The following GRIK4 variants were observed in gnomAD, a reference collection of about 807,000 sequenced individuals.
The protein encoded by GRIK4 is glutamate receptor ionotropic, kainate 4.
In GRIK4, 40 loss-of-function variants were observed where a neutral mutation model predicts 104.9. The ratio of observed to expected loss-of-function variants is 0.38; its 90% confidence interval spans 0.30 to 0.50. The LOEUF is 0.50. Ranked by LOEUF, GRIK4 falls within the 20% of genes least tolerant of loss-of-function variation. GRIK4 has a pLI of 0.93. For synonymous variants in GRIK4, 485 were observed against 524.9 expected, an observed-to-expected ratio of 0.92 and a Z score of 1.04; for missense variants, 1,047 against 1,308.1, an observed-to-expected ratio of 0.80 and a Z score of 3.08.
chr11:120,643,036 A>G (rs953641830), intron 1 of GRIK4, among the ~76,000 whole-genome samples: 1 of 152,038 alleles, frequency 6.6e-6, no homozygotes, highest in Non-Finnish European at 1.5e-5. Flanking sequence ...TACTCATTCA[A>G]CACATTTACT....
intron 1 of GRIK4, among the ~76,000 whole-genome samples, chr11:120,627,406 TGGCCCTGTGAA>T (rs1949275089): frequency 6.6e-6 from 1 of 152,232 alleles, no homozygotes; most frequent in Non-Finnish European, 1.5e-5. Context: ...TGCTTTGCAC[TGGCCCTGTGAA>T]TGTGGGCACT....
At chr11:120,775,490 T>C (rs554297159) in intron 3 of GRIK4, among the ~76,000 whole-genome samples, 9 of 152,298 alleles carry the variant, frequency 5.9e-5, no homozygotes, top group Admixed American at 1.3e-4. Flanking sequence ...GGATCTAACA[T>C]GTTCATGAAT....
intron 3 of GRIK4, among the ~76,000 whole-genome samples, chr11:120,719,522 C>T (rs1287396904): frequency 6.6e-6 from 1 of 152,096 alleles, no homozygotes; most frequent in Non-Finnish European, 1.5e-5. Context: ...TTGATGATAC[C>T]AGCTTCCCAG....
At chr11:120,912,049 A>T (rs190346685) in intron 13 of GRIK4, among the ~76,000 whole-genome samples, 1 of 152,208 alleles carries the variant, frequency 6.6e-6, no homozygotes, top group Non-Finnish European at 1.5e-5. Flanking sequence ...AAATGGGATT[A>T]TACTATATGC....
At chr11:120,787,280 G>A (rs1428702775) in intron 3 of GRIK4, among the ~76,000 whole-genome samples, 1 of 152,042 alleles carries the variant, frequency 6.6e-6, no homozygotes, top group Non-Finnish European at 1.5e-5. Flanking sequence ...GGTGAGCCAA[G>A]ATCGCACCAC....
At position 120,524,404 on chromosome 11, in the gene GRIK4, A is replaced by G. The variant is rs753244053; in HGVS notation, c.-159+12517A>G. On this transcript the variant is annotated intron_variant, in intron 1 of 20. Transcript: ENST00000527524. This position sits in a 1 kb window ranked among gnomAD's most constrained non-coding sequence, Gnocchi z 4.5. ...TGGGCCGCCTTCGACTCGCAGATGT[A>G]TGGGATTGAAAAGTCAATTGTGTGA... is the stretch of plus-strand genomic sequence containing the variant. Among the ~76,000 whole-genome samples the G allele has an allele frequency of 2.6e-5, 4 of 152,146 alleles. No homozygotes were observed. The highest frequency in any genetic ancestry group is 4.4e-5 in the Non-Finnish European group (3 of 68,018).
At chr11:120,747,666 G>A (rs1483583470) in intron 3 of GRIK4, among the ~76,000 whole-genome samples, 1 of 152,218 alleles carries the variant, frequency 6.6e-6, no homozygotes, top group Admixed American at 6.5e-5. Context: ...GTTCCCATTT[G>A]TGGTATTTTC....
chr11:120,576,891 C>G (rs983942567), intron 1 of GRIK4, among the ~76,000 whole-genome samples: 3 of 152,176 alleles, frequency 2.0e-5, no homozygotes, highest in Non-Finnish European at 4.4e-5. Flanking sequence ...TGGTTAAGGT[C>G]TTGCCTTAGC....
intron 3 of GRIK4, among the ~76,000 whole-genome samples, chr11:120,766,448 T>C (rs1951841842): frequency 6.6e-6 from 1 of 152,170 alleles, no homozygotes; most frequent in African/African-American, 2.4e-5. Flanking sequence ...AGCCCCCTTT[T>C]CAGGGGAGTG....
In GRIK4 at chr11:120,939,278, G is replaced by C. The variant is rs547263417; in HGVS notation, c.1477-1069G>C. The stretch of plus-strand genomic sequence containing the variant: ...ATCTTTCCCAGAAGGGTTTAATTCA[G>C]GGCTAACTCTCATCAGATGTGGGCA... On this transcript the variant is annotated intron_variant, in intron 13 of 20. Transcript: ENST00000527524. This position sits in a 1 kb window ranked among gnomAD's most constrained non-coding sequence, Gnocchi z 5.6. Among the ~76,000 whole-genome samples, 32 of 152,206 alleles carry C rather than the reference G, an allele frequency of 2.1e-4. No individual in the cohort carries two copies. Among genetic ancestry groups the C allele is most frequent in the Non-Finnish European group, 4.0e-4 (27 of 68,028 alleles).
At chr11:120,721,101 A>G (rs995221910) in intron 3 of GRIK4, among the ~76,000 whole-genome samples, 2 of 152,116 alleles carry the variant, frequency 1.3e-5, no homozygotes, top group African/African-American at 2.4e-5. Context: ...GTAACTGTCT[A>G]ATGAAGGGTT....
At chr11:120,710,013 C>T (rs1019988711) in intron 3 of GRIK4, among the ~76,000 whole-genome samples, 29 of 152,160 alleles carry the variant, frequency 1.9e-4, no homozygotes, top group African/African-American at 6.8e-4. Context: ...TACAAAGCAT[C>T]GTGATTCATA....
At chr11:120,930,492 G>A (rs1943461378) in intron 13 of GRIK4, among the ~76,000 whole-genome samples, 2 of 152,128 alleles carry the variant, frequency 1.3e-5, no homozygotes, top group Admixed American at 1.3e-4. Flanking sequence ...AAAAAACTGA[G>A]GCACAGAGAA....
At chr11:120,666,566 A>T (rs1949918093) in intron 3 of GRIK4, among the ~76,000 whole-genome samples, 1 of 152,196 alleles carries the variant, frequency 6.6e-6, no homozygotes, top group Non-Finnish European at 1.5e-5. Flanking sequence ...ATTGGTAAGG[A>T]TCCCACTGGT....
intron 1 of GRIK4, among the ~76,000 whole-genome samples, chr11:120,586,422 G>T (rs1029397050): frequency 9.2e-5 from 14 of 152,212 alleles, no homozygotes; most frequent in Admixed American, 5.2e-4. Context: ...GTTCAGGAAG[G>T]GCCTTCATTT....
At chr11:120,598,125 C>T (rs992870198) in intron 1 of GRIK4, among the ~76,000 whole-genome samples, 5 of 152,162 alleles carry the variant, frequency 3.3e-5, no homozygotes, top group African/African-American at 1.2e-4. Context: ...CTGTTCTTTC[C>T]ACTCTTCTGG....
At chr11:120,692,965 C>T (rs1451009385) in intron 3 of GRIK4, among the ~76,000 whole-genome samples, 3 of 151,932 alleles carry the variant, frequency 2.0e-5, no homozygotes, top group Non-Finnish European at 4.4e-5. Context: ...CTCTGGATCT[C>T]AGGTCATCCA....
At chr11:120,858,532 A>C (rs1954177379) in intron 8 of GRIK4, 2 of 152,210 alleles carry the variant, frequency 1.3e-5, no homozygotes. Context: ...AAACAAAATT[A>C]AACCAGCTGC....
chr11:120,678,604 G>A (rs530739185), intron 3 of GRIK4, among the ~76,000 whole-genome samples: 1 of 150,604 alleles, frequency 6.6e-6, no homozygotes, highest in South Asian at 2.1e-4. Flanking sequence ...ACCAGGCGAG[G>A]GGCTCCACTA....
Sources: gnomAD v4.1 joint callset for allele counts (sites outside exome capture counted in the v4.1 genomes callset) on GRCh38, gnomAD v4.1.1 for gene constraint, Gnocchi (gnomAD v3.1) non-coding constraint, MANE v1.5 for transcripts, NCBI Gene and HGNC (gene_info 2026-07-23, HGNC 2026-07-21) for gene names.